The following TACC2 variants were observed in gnomAD, a reference collection of about 807,000 sequenced individuals.
The protein encoded by TACC2 is transforming acidic coiled-coil containing protein 2, also known as transforming acidic coiled-coil-containing protein 2.
In TACC2, 137 loss-of-function variants were observed where a neutral mutation model predicts 227.3. That is an observed-to-expected ratio of 0.60 (90% CI 0.52 to 0.69). The LOEUF (loss-of-function observed/expected upper bound fraction) is 0.69. TACC2 is among the 30% of genes least tolerant of loss of function. The pLI is 0.00. For missense variants in TACC2, 3,470 were observed against 3,694.4 expected (o/e 0.94, Z 1.57); for synonymous variants, 1,523 against 1,487.5 (o/e 1.02, Z -0.55).
chr10:121,989,699 C>T (rs961421052), intron 1 of TACC2, among the ~76,000 whole-genome samples: 5 of 151,598 alleles, frequency 3.3e-5, no homozygotes, highest in East Asian at 1.9e-4. Context: ...AGCCCTTTTG[C>T]GTCTTTCAAC....
At chr10:122,068,070 G>C (rs2077581221) in intron 3 of TACC2, among the ~76,000 whole-genome samples, 1 of 152,022 alleles carries the variant, frequency 6.6e-6, no homozygotes, top group African/African-American at 2.4e-5. Context: ...GCTATATCTT[G>C]AAGTTCACTA....
Position 122,194,968 on chromosome 10 carries a change from C to T in TACC2, c.5835-72C>T, listed in dbSNP as rs1011498555. ...AGCCAGAACCCACTGGCTCTGGGTG[C>T]GAAGGCCACACCGGCTCAGCAGAAC... On this transcript the variant is annotated intron_variant, in intron 7 of 22. Transcript: ENST00000369005. The surrounding 1 kb of genome is among the most constrained non-coding windows in gnomAD (Gnocchi z 4.4). 2.2e-5 allele frequency: 33 copies of T among 1,510,342 alleles called. No homozygotes were observed. The East Asian group carries it at 5.0e-4, about 23-fold the overall frequency. The allele number at this position is 1,510,342 out of a possible 1,614,324, so 93.6% of individuals were successfully genotyped here. A position where few individuals can be genotyped will look rare whatever the true frequency, so the allele number is the denominator to read the frequency against.
chr10:122,057,453 C>T (rs2076318683), intron 3 of TACC2, among the ~76,000 whole-genome samples: 1 of 151,934 alleles, frequency 6.6e-6, no homozygotes, highest in African/African-American at 2.4e-5. Flanking sequence ...AATCCTAAGC[C>T]CCCCATCCAG....
intron 9 of TACC2, 141 bp from the exon 10 acceptor site, chr10:122,215,250 G>A (rs971201517): frequency 7.3e-6 from 5 of 688,850 alleles, no homozygotes; most frequent in African/African-American, 5.3e-5. Context: ...GTGGCCTCTC[G>A]CTGGTGCTGG....
intron 18 of TACC2, among the ~76,000 whole-genome samples, chr10:122,239,629 T>G (rs1535461): frequency 0.34 from 51,521 of 152,044 alleles, 9,504 homozygotes; most frequent in South Asian, 0.45. Context: ...AGGAAGGCTG[T>G]AAGTTCTGTC....
rs1226924279 is a variant in TACC2 at position 122,087,976 on chromosome 10, A to G, written c.5459+17A>G. On this transcript the variant is annotated intron_variant, in intron 4 of 22. Transcript: ENST00000369005. ...CACTGACAGGTACTTAAATGAAAAA[A>G]TTCCCACGGGAATGTGTGGTCAGTT... The G allele has an allele frequency of 6.0e-6, 9 of 1,493,532 alleles. No individual in the cohort carries two copies. The highest frequency in any genetic ancestry group is 7.1e-6 in the Non-Finnish European group (8 of 1,122,808). The allele number at this position is 1,493,532 out of a possible 1,614,324, so 92.5% of individuals were successfully genotyped here.
chr10:122,018,700 T>C (rs1413326972), intron 1 of TACC2, among the ~76,000 whole-genome samples: 1 of 152,212 alleles, frequency 6.6e-6, no homozygotes, highest in Non-Finnish European at 1.5e-5. Context: ...TTCCTCCTCG[T>C]TGTAGCATGT....
intron 19 of TACC2, among the ~76,000 whole-genome samples, chr10:122,245,700 G>T (rs897839406): frequency 1.3e-5 from 2 of 152,114 alleles, no homozygotes; most frequent in African/African-American, 4.8e-5. Flanking sequence ...GATTCCAGGG[G>T]TCACAGAGTT....
intron 1 of TACC2, among the ~76,000 whole-genome samples, chr10:122,015,374 A>G (rs921213192): frequency 3.3e-5 from 5 of 151,680 alleles, no homozygotes; most frequent in Admixed American, 1.3e-4. Flanking sequence ...GAGTGGTGGC[A>G]CGCACCTGTA....
Position 122,084,384 on chromosome 10 carries a change from C to A in TACC2, c.1884C>A (p.Pro628=). 6.2e-7 allele frequency: 1 copy of A among 1,613,360 alleles called. No individual in the cohort carries two copies. Among genetic ancestry groups the A allele is most frequent in the Non-Finnish European group, 8.5e-7 (1 of 1,180,032 alleles). Residue 628 remains proline (P), a synonymous_variant, in exon 4 of 23, where the codon CCC becomes CCA. Transcript: ENST00000369005. The part of the protein sequence containing the change: ...PSSDAESRDH[P]SSHSAQPPRK... ...GTGATGCAGAGAGCAGAGACCATCCCAGCTCACACTCAGCACAGCCACCCA... is the reference window on the plus strand; with the variant it reads ...GTGATGCAGAGAGCAGAGACCATCCAAGCTCACACTCAGCACAGCCACCCA...
intron 13 of TACC2, among the ~76,000 whole-genome samples, chr10:122,227,296 G>A (rs546431208): frequency 1.3e-5 from 2 of 152,168 alleles, no homozygotes; most frequent in Admixed American, 6.5e-5. Flanking sequence ...TGTGAGATTT[G>A]GACCAGCCTA....
chr10:122,002,334 A>G (rs889659299), intron 1 of TACC2, among the ~76,000 whole-genome samples: 1 of 152,122 alleles, frequency 6.6e-6, no homozygotes, highest in African/African-American at 2.4e-5. Flanking sequence ...CTATAGCAGT[A>G]TGGTATATTA....
At chr10:122,137,527 A>G (rs1053352707) in intron 6 of TACC2, among the ~76,000 whole-genome samples, 4 of 152,146 alleles carry the variant, frequency 2.6e-5, no homozygotes, top group African/African-American at 7.2e-5. Context: ...CTGTACCACT[A>G]TGTATTAAGC....
chr10:122,124,309 C>T (rs941686519), intron 5 of TACC2, among the ~76,000 whole-genome samples: 7 of 152,212 alleles, frequency 4.6e-5, no homozygotes, highest in Admixed American at 3.3e-4. Context: ...AACTCCACCT[C>T]CTCTGCAGTG....
chr10:122,238,477 C>T (rs374394094), intron 18 of TACC2, among the ~76,000 whole-genome samples: 33 of 152,296 alleles, frequency 2.2e-4, no homozygotes, highest in African/African-American at 7.0e-4. Context: ...AACAGAGTTT[C>T]GCTCTTGTTG....
At chr10:122,138,674 G>A (rs1438216022) in intron 6 of TACC2, among the ~76,000 whole-genome samples, 4 of 152,184 alleles carry the variant, frequency 2.6e-5, no homozygotes, top group Non-Finnish European at 4.4e-5. Flanking sequence ...AGCACCCAGC[G>A]TGCTGAGTGA....
At chr10:122,082,622 C>T (rs749341148) in intron 3 of TACC2, 25 bp from the exon 4 acceptor site, 11 of 1,584,526 alleles carry the variant, frequency 6.9e-6, no homozygotes, top group South Asian at 3.5e-5. Flanking sequence ...TCCATGATAA[C>T]CAATGAAACA....
intron 2 of TACC2, among the ~76,000 whole-genome samples, chr10:122,039,465 C>G (rs949191193): frequency 6.6e-6 from 1 of 151,826 alleles, no homozygotes; most frequent in Non-Finnish European, 1.5e-5. Context: ...CAGAAAAAGG[C>G]GTGGGAATTG....
At chr10:122,195,267 G>A in intron 8 of TACC2, 91 bp downstream of exon 8, 1 of 1,198,394 alleles carries the variant, frequency 8.3e-7, no homozygotes, top group Non-Finnish European at 1.2e-6. Context: ...TCAGGCTGGA[G>A]GCGAGCACTG....
Sources: gnomAD v4.1 joint callset for allele counts (sites outside exome capture counted in the v4.1 genomes callset) on GRCh38, gnomAD v4.1.1 for gene constraint, Gnocchi (gnomAD v3.1) non-coding constraint, MANE v1.5 for transcripts, NCBI Gene and HGNC (gene_info 2026-07-23, HGNC 2026-07-21) for gene names.